The following SAMD12 variants were observed in gnomAD, a reference collection of about 807,000 sequenced individuals.
SAMD12 encodes sterile alpha motif domain containing 12, also known as sterile alpha motif domain-containing protein 12.
Under a neutral mutation model 15.0 loss-of-function variants are expected in SAMD12, and 9 were observed. The observed-to-expected ratio is 0.60, with a 90% CI of 0.36 to 1.05. SAMD12 has a LOEUF of 1.05. SAMD12 is among the 50% of genes least tolerant of loss of function. The pLI, the probability that SAMD12 is intolerant of heterozygous loss-of-function variation, is 0.01. For missense variants in SAMD12, 230 were observed against 234.2 expected (o/e 0.98, Z 0.12); for synonymous variants, 86 against 90.1 (o/e 0.96, Z 0.25).
At chr8:118,402,130 GAGA>G (rs1820898622) in intron 3 of SAMD12, among the ~76,000 whole-genome samples, 1 of 151,788 alleles carries the variant, frequency 6.6e-6, no homozygotes, top group Non-Finnish European at 1.5e-5. Context: ...GAAGTTAGAG[GAGA>G]AGAAAAAAAA....
chr8:118,506,085 G>A (rs1473987706), intron 2 of SAMD12, among the ~76,000 whole-genome samples: 3 of 151,968 alleles, frequency 2.0e-5, no homozygotes, highest in Admixed American at 6.6e-5. Flanking sequence ...TCATTGTCTC[G>A]GTTAATTGCT....
intron 1 of SAMD12, among the ~76,000 whole-genome samples, chr8:118,611,422 G>A (rs1355889822): frequency 6.6e-6 from 1 of 152,194 alleles, no homozygotes; most frequent in Non-Finnish European, 1.5e-5. Context: ...GAGATGGAAA[G>A]AGAACAAAAG....
At chr8:118,569,560 T>G (rs938792399) in intron 2 of SAMD12, among the ~76,000 whole-genome samples, 5 of 152,172 alleles carry the variant, frequency 3.3e-5, no homozygotes, top group African/African-American at 1.2e-4. Flanking sequence ...TAAGGTGTTG[T>G]TTGAAAGTAG....
chr8:118,335,667 C>G (rs74983470), intron 4 of SAMD12, among the ~76,000 whole-genome samples: 94 of 152,208 alleles, frequency 6.2e-4, no homozygotes, highest in Non-Finnish European at 1.1e-3. Flanking sequence ...CCTCTGGCAC[C>G]AGGAATGCAA....
intron 4 of SAMD12, among the ~76,000 whole-genome samples, chr8:118,312,931 G>T (rs1236443954): frequency 6.6e-6 from 1 of 152,106 alleles, no homozygotes; most frequent in Admixed American, 6.6e-5. Context: ...TGAAATAACA[G>T]TATTCCCATA....
At chr8:118,463,644 G>A (rs1330568787) in intron 2 of SAMD12, among the ~76,000 whole-genome samples, 2 of 152,134 alleles carry the variant, frequency 1.3e-5, no homozygotes, top group African/African-American at 4.8e-5. Flanking sequence ...ATGGGGCTAG[G>A]CTGCTCCAAC....
chr8:118,436,033 T>C (rs1161448355), intron 3 of SAMD12, among the ~76,000 whole-genome samples: 1 of 152,254 alleles, frequency 6.6e-6, no homozygotes, highest in Non-Finnish European at 1.5e-5. Context: ...TATTACCCTC[T>C]GTTATCTACA....
intron 3 of SAMD12, among the ~76,000 whole-genome samples, chr8:118,409,024 G>A (rs1346356291): frequency 1.3e-5 from 2 of 152,006 alleles, no homozygotes; most frequent in South Asian, 2.1e-4. Flanking sequence ...TCAGCCTCCC[G>A]AGTTGCTGGG....
intron 4 of SAMD12, among the ~76,000 whole-genome samples, chr8:118,208,041 T>C (rs1321004295): frequency 6.6e-6 from 1 of 152,082 alleles, no homozygotes; most frequent in Non-Finnish European, 1.5e-5. Flanking sequence ...GTGGATCACC[T>C]GAGGTCGGGA....
At chr8:118,317,543 C>T (rs6987634) in intron 4 of SAMD12, among the ~76,000 whole-genome samples, 74,393 of 151,986 alleles carry the variant, frequency 0.49, 20,659 homozygotes, top group African/African-American at 0.77. Context: ...ATGTACAATT[C>T]GGTTTATATA....
chr8:118,195,668 A>G (rs561369942), exon 5 of SAMD12: 1 of 152,416 alleles, frequency 6.6e-6, no homozygotes, highest in South Asian at 2.1e-4. Context: ...TTCAGTTTTC[A>G]TTGTGGAAAT....
chr8:118,438,877 A>G (rs1822653287), intron 3 of SAMD12, among the ~76,000 whole-genome samples: 2 of 152,120 alleles, frequency 1.3e-5, no homozygotes, highest in Non-Finnish European at 2.9e-5. Flanking sequence ...ACTTCTTAAC[A>G]CTGTTTCCCC....
intron 4 of SAMD12, among the ~76,000 whole-genome samples, chr8:118,338,549 T>C (rs945937374): frequency 4.6e-5 from 7 of 152,242 alleles, no homozygotes; most frequent in African/African-American, 1.7e-4. Context: ...GTTAAGATGC[T>C]GATATACTTT....
intron 4 of SAMD12, among the ~76,000 whole-genome samples, chr8:118,208,902 G>A (rs1819941641): frequency 6.6e-6 from 1 of 152,180 alleles, no homozygotes; most frequent in African/African-American, 2.4e-5. Flanking sequence ...CCTTCCTGCT[G>A]TATGTAGGGA....
intron 2 of SAMD12, among the ~76,000 whole-genome samples, chr8:118,449,278 G>T (rs1449310190): frequency 1.3e-5 from 2 of 151,774 alleles, no homozygotes; most frequent in Non-Finnish European, 2.9e-5. Flanking sequence ...GGCTAGGCTG[G>T]TCTCGAACTC....
chr8:118,541,400 G>A (rs1015929285), intron 2 of SAMD12, among the ~76,000 whole-genome samples: 7 of 152,150 alleles, frequency 4.6e-5, no homozygotes, highest in African/African-American at 1.7e-4. Context: ...GGCATCAGTT[G>A]ACTTACACAT....
chr8:118,264,998 T>C (rs1174013360), intron 4 of SAMD12, among the ~76,000 whole-genome samples: 1 of 151,988 alleles, frequency 6.6e-6, no homozygotes, highest in African/African-American at 2.4e-5. Context: ...CCTGAGGGAG[T>C]GGAACTGCAC....
chr8:118,304,036 C>G (rs1815181682), intron 4 of SAMD12, among the ~76,000 whole-genome samples: 1 of 152,142 alleles, frequency 6.6e-6, no homozygotes, highest in African/African-American at 2.4e-5. Flanking sequence ...ACCCAGAAAT[C>G]GAGCCTTCCT....
At chr8:118,520,473 G>T (rs1825358557) in intron 2 of SAMD12, among the ~76,000 whole-genome samples, 1 of 152,104 alleles carries the variant, frequency 6.6e-6, no homozygotes, top group East Asian at 1.9e-4. Flanking sequence ...TGAGGATAAA[G>T]CGGGTAAAAA....
Sources: allele counts gnomAD v4.1 joint callset (sites outside exome capture counted in the v4.1 genomes callset), GRCh38; gene constraint gnomAD v4.1.1; transcripts MANE v1.5; gene names NCBI Gene and HGNC (gene_info 2026-07-23, HGNC 2026-07-21).